VIT: variants seen among roughly 807,000 people sequenced by gnomAD.
The protein encoded by VIT is vitrin.
A neutral mutation model predicts 78.0 loss-of-function variants in VIT; 99 were observed. That is an observed-to-expected ratio of 1.27 (90% confidence interval 1.08 to 1.50). The LOEUF is 1.50. Among genes scored for constraint, VIT ranks in the 40% most tolerant of loss-of-function variants. The pLI is 0.00. For synonymous variants in VIT, 374 were observed against 334.3 expected (o/e 1.12, Z -1.29); for missense variants, 1,126 against 875.3 (o/e 1.29, Z -3.61).
At chr2:36,811,498 A>G (rs891414398) in intron 15 of VIT, among the ~76,000 whole-genome samples, 1 of 152,144 alleles carries the variant, frequency 6.6e-6, no homozygotes, top group African/African-American at 2.4e-5. Context: ...GCAGATTCTT[A>G]CTCAGCTTAA....
chr2:36,795,945 G>C (rs1005434059), intron 12 of VIT, among the ~76,000 whole-genome samples: 2 of 152,128 alleles, frequency 1.3e-5, no homozygotes, highest in Non-Finnish European at 2.9e-5. Context: ...TTGGTTGTGA[G>C]CTCAATGTTA....
chr2:36,742,138 C>T (rs928357844), intron 3 of VIT, among the ~76,000 whole-genome samples: 1 of 152,148 alleles, frequency 6.6e-6, no homozygotes, highest in Non-Finnish European at 1.5e-5. Context: ...TCAAAAGGCA[C>T]CAGTAAAGTG....
chr2:36,740,827 T>G (rs925870351), intron 3 of VIT, among the ~76,000 whole-genome samples: 2 of 152,250 alleles, frequency 1.3e-5, no homozygotes, highest in African/African-American at 2.4e-5. Flanking sequence ...TTTAAACCAA[T>G]TATTTCATGG....
At chr2:36,716,640 T>C (rs574278883) in intron 2 of VIT, among the ~76,000 whole-genome samples, 2 of 152,300 alleles carry the variant, frequency 1.3e-5, no homozygotes, top group South Asian at 2.1e-4. Context: ...GCAAATACTG[T>C]ATATATATTA....
chr2:36,724,237 T>C (rs1403423728), intron 2 of VIT, among the ~76,000 whole-genome samples: 3 of 152,134 alleles, frequency 2.0e-5, no homozygotes, highest in African/African-American at 7.2e-5. Context: ...CAGAGAACAC[T>C]GGATTTTTAA....
intron 6 of VIT, among the ~76,000 whole-genome samples, chr2:36,766,463 C>T (rs1183449007): frequency 6.6e-6 from 1 of 152,070 alleles, no homozygotes; most frequent in African/African-American, 2.4e-5. Flanking sequence ...CCCAGAAGTT[C>T]GAGGCTGCAG....
Position 36,720,539 on chromosome 2 carries a change from G to C in VIT, c.52+4117G>C, listed in dbSNP as rs542327020. On this transcript the variant is annotated intron_variant, in intron 2 of 15. Transcript: ENST00000379242. The stretch of plus-strand genomic sequence containing the variant: ...AAATCCTGTCATTTACAATGTAAGT[G>C]TACCAAAGGATGTTATACTAAGTGA... Among the ~76,000 whole-genome samples the C allele has an allele frequency of 2.0e-5, 3 of 152,306 alleles. No individual in the cohort carries two copies. In the South Asian group the frequency reaches 6.2e-4, roughly 32 times the overall value.
chr2:36,755,679 A>C lies in VIT; in HGVS notation c.409+625A>C, dbSNP rs189775057. 5.2e-4 allele frequency among the ~76,000 whole-genome samples: 79 copies of C among 152,342 alleles called. 1 individual carries two copies. Among genetic ancestry groups the C allele is most frequent in the African/African-American group, 1.7e-3 (69 of 41,584 alleles). On this transcript the variant is annotated intron_variant, in intron 5 of 15. Coordinates refer to ENST00000379242, the MANE Select transcript of VIT (RefSeq NM_053276.4). ...TCCATTGCCGATCCTCACTGTAACA[A>C]GTATTACATTAGTAATTGCAAAATT...
At chr2:36,780,470 G>GT (rs1664671999) in intron 9 of VIT, among the ~76,000 whole-genome samples, 1 of 152,312 alleles carries the variant, frequency 6.6e-6, no homozygotes, top group East Asian at 1.9e-4. Context: ...TGATCAGAAT[G>GT]TTTAAGCAAG....
chr2:36,739,980 T>C (rs1049865170), intron 3 of VIT, among the ~76,000 whole-genome samples: 7 of 152,376 alleles, frequency 4.6e-5, no homozygotes, highest in African/African-American at 1.7e-4. Flanking sequence ...ATTTTTCACC[T>C]GAGGTTAGCT....
intron 7 of VIT, 150 bp from the exon 8 acceptor site, chr2:36,773,641 G>A (rs982424794): frequency 3.9e-6 from 2 of 507,586 alleles, no homozygotes; most frequent in Middle Eastern, 6.4e-4. Flanking sequence ...TGAGGTGGGA[G>A]AATCGCTTGA....
At chr2:36,715,381 A>T (rs189181991) in intron 1 of VIT, among the ~76,000 whole-genome samples, 9 of 152,238 alleles carry the variant, frequency 5.9e-5, no homozygotes, top group African/African-American at 2.2e-4. Flanking sequence ...TACTAAAAAT[A>T]CAAAACTCAG....
intron 3 of VIT, among the ~76,000 whole-genome samples, chr2:36,742,406 C>T (rs1167830116): frequency 6.6e-6 from 1 of 152,180 alleles, no homozygotes; most frequent in Non-Finnish European, 1.5e-5. Flanking sequence ...CCCAGCTTTC[C>T]ATCAAGCGTT....
intron 6 of VIT, among the ~76,000 whole-genome samples, chr2:36,761,082 C>T (rs551764102): frequency 6.6e-6 from 1 of 152,262 alleles, no homozygotes; most frequent in South Asian, 2.1e-4. Flanking sequence ...TCTAGACTCC[C>T]AGAATACACC....
chr2:36,766,309 G>C (rs922640645), intron 6 of VIT, among the ~76,000 whole-genome samples: 3 of 152,120 alleles, frequency 2.0e-5, no homozygotes, highest in African/African-American at 7.2e-5. Context: ...TGGAAGAATT[G>C]TTTGAGGCCA....
intron 6 of VIT, 140 bp downstream of exon 6, chr2:36,759,186 A>T: frequency 1.3e-6 from 2 of 1,579,210 alleles, no homozygotes; most frequent in Non-Finnish European, 1.7e-6. Context: ...TGCCAGGAAC[A>T]TGGGCACAGA....
At chr2:36,699,810 C>T (rs1664934638) in intron 1 of VIT, among the ~76,000 whole-genome samples, 2 of 152,148 alleles carry the variant, frequency 1.3e-5, no homozygotes, top group South Asian at 2.1e-4. Flanking sequence ...TAAAGCCTTA[C>T]ATGCGAGGTC....
At chr2:36,749,495 G>C (rs1220211953) in intron 4 of VIT, among the ~76,000 whole-genome samples, 1 of 152,198 alleles carries the variant, frequency 6.6e-6, no homozygotes, top group Admixed American at 6.5e-5. Flanking sequence ...ATTAAGACTA[G>C]CCTGTATGTG....
intron 2 of VIT, among the ~76,000 whole-genome samples, chr2:36,717,333 AATGTGTGTGTGTGTGTGT>A (rs1338271006): frequency 3.9e-5 from 4 of 102,674 alleles, no homozygotes; most frequent in African/African-American, 1.4e-4. Flanking sequence ...ACGCCTGGCT[AATGTGTGTGTGTGTGTGT>A]GTGTGTGTGT....
Sources: gnomAD v4.1 joint callset for allele counts (sites outside exome capture counted in the v4.1 genomes callset) on GRCh38, gnomAD v4.1.1 for gene constraint, MANE v1.5 for transcripts, NCBI Gene and HGNC (gene_info 2026-07-23, HGNC 2026-07-21) for gene names.